The following GPR137B variants were observed in gnomAD, a reference collection of about 807,000 sequenced individuals.
GPR137B encodes integral membrane protein GPR137B.
GPR137B carries 42 observed loss-of-function variants against 42.5 expected under a neutral mutation model. That is an observed-to-expected ratio of 0.99 (90% CI 0.77 to 1.28). GPR137B has a LOEUF of 1.28. Ranked by LOEUF, GPR137B falls within the 50% of genes most tolerant of loss-of-function variation. The pLI, the probability that GPR137B is intolerant of heterozygous loss-of-function variation, is 0.00. For missense variants in GPR137B, 487 were observed against 493.9 expected, an observed-to-expected ratio of 0.99 and a Z score of 0.13; for synonymous variants, 218 against 209.7, an observed-to-expected ratio of 1.04 and a Z score of -0.34.
intron 6 of GPR137B, 122 bp from the exon 7 acceptor site, chr1:236,207,928 T>TA: frequency 1.5e-6 from 1 of 680,556 alleles, no homozygotes; most frequent in South Asian, 2.0e-5. Context: ...AAGAGCCATT[T>TA]AAAAGAACTT....
In GPR137B at chr1:236,150,576, C is replaced by G. The variant is rs976523116; in HGVS notation, c.414+7540C>G. Among the ~76,000 whole-genome samples, 13 of 152,146 alleles carry G rather than the reference C, an allele frequency of 8.5e-5. No homozygotes were observed. The highest frequency in any genetic ancestry group is 3.1e-4 in the African/African-American group (13 of 41,422). ...CCTCAGCACTCGGGGAACAATTAGG[C>G]CCCTCACAGCACATTCAGCATCCAA... On this transcript the variant is annotated intron_variant, in intron 1 of 6. Coordinates refer to ENST00000366592, the MANE Select transcript of GPR137B (RefSeq NM_003272.4). The surrounding 1 kb of genome is among the most constrained non-coding windows in gnomAD (Gnocchi z 6.2).
chr1:236,150,436 G>C lies in GPR137B; in HGVS notation c.414+7400G>C, dbSNP rs567189641. Among the ~76,000 whole-genome samples, 1 of 152,240 alleles carries C rather than the reference G, an allele frequency of 6.6e-6. No homozygotes were observed. Among genetic ancestry groups the C allele is most frequent in the African/African-American group, 2.4e-5 (1 of 41,542 alleles). On this transcript the variant is annotated intron_variant, in intron 1 of 6. Coordinates refer to ENST00000366592, the MANE Select transcript of GPR137B (RefSeq NM_003272.4). The surrounding 1 kb of genome is among the most constrained non-coding windows in gnomAD (Gnocchi z 6.2). ...TTCTAAACATACAGCCCAGTTTCCCGAGCCCTCTCCTCGAGCCATGGCAGC... is the reference window on the plus strand; with the variant it reads ...TTCTAAACATACAGCCCAGTTTCCCCAGCCCTCTCCTCGAGCCATGGCAGC...
At chr1:236,191,770 TG>T (rs1291383700) in intron 5 of GPR137B, among the ~76,000 whole-genome samples, 1 of 152,174 alleles carries the variant, frequency 6.6e-6, no homozygotes, top group African/African-American at 2.4e-5. Context: ...CAGCCCCTAC[TG>T]GGAGGTATCT....
chr1:236,179,908 C>T lies in GPR137B; in HGVS notation c.717C>T (p.Ile239=). ...CCTCCGTGTGTCAAGTGACTGCCAT[C>T]GGTGTCACCGTGATACTGCTTTACA... is the stretch of plus-strand genomic sequence containing the variant. ...KGSSVCQVTA[I]GVTVILLYTS... is the part of the protein sequence containing the mutation. The change falls in exon 4 of 7, where the codon ATC becomes ATT. Residue 239 remains isoleucine, a synonymous_variant. Coordinates refer to ENST00000366592, the MANE Select transcript of GPR137B (RefSeq NM_003272.4). 3.8e-6 allele frequency: 6 copies of T among 1,598,762 alleles called. No individual in the cohort carries two copies. Among genetic ancestry groups the T allele is most frequent in the Middle Eastern group, 1.7e-4 (1 of 5,990 alleles).
At chr1:236,170,632 C>G (rs985892788) in intron 2 of GPR137B, among the ~76,000 whole-genome samples, 26 of 152,100 alleles carry the variant, frequency 1.7e-4, no homozygotes, top group African/African-American at 6.3e-4. Context: ...ATCTGAAATG[C>G]TTGGGACCAA....
chr1:236,169,752 A>C (rs1662476931), intron 2 of GPR137B, among the ~76,000 whole-genome samples: 1 of 152,032 alleles, frequency 6.6e-6, no homozygotes, highest in Non-Finnish European at 1.5e-5. Context: ...AAGAATACTC[A>C]GGTTTGGCTG....
chr1:236,206,791 A>AT (rs1663675669), intron 6 of GPR137B, among the ~76,000 whole-genome samples: 3 of 151,808 alleles, frequency 2.0e-5, no homozygotes, highest in Admixed American at 2.0e-4. Flanking sequence ...CCCGATGACT[A>AT]TCATGTTTCC....
At chr1:236,164,027 C>T (rs1019492307) in intron 1 of GPR137B, among the ~76,000 whole-genome samples, 13 of 151,468 alleles carry the variant, frequency 8.6e-5, no homozygotes, top group African/African-American at 3.2e-4. Context: ...CACTTTTCAG[C>T]ACCTCCTCAC....
chr1:236,161,484 T>TTCACACCTCCTCACGCCTCCCAC (rs1662193404), intron 1 of GPR137B, among the ~76,000 whole-genome samples: 1 of 90,574 alleles, frequency 1.1e-5, no homozygotes, highest in Non-Finnish European at 2.0e-5. Context: ...CCACACACAC[T>TTCACACCTCCTCACGCCTCCCAC]TCACACCTCC....
chr1:236,196,704 T>C (rs903174014), intron 5 of GPR137B, among the ~76,000 whole-genome samples: 5 of 152,216 alleles, frequency 3.3e-5, no homozygotes, highest in Admixed American at 6.5e-5. Context: ...TGAGAAGATA[T>C]AATGTTTGGT....
rs1004125768 is a variant in GPR137B at position 236,202,553 on chromosome 1, T to C, written c.967-2573T>C. 2.9e-4 allele frequency among the ~76,000 whole-genome samples: 44 copies of C among 152,086 alleles called. 1 individual carries two copies. The highest frequency in any genetic ancestry group is 1.0e-3 in the African/African-American group (42 of 41,318). ...GTGACTCTCCACACACTGTTCTGTC[T>C]GTCCAAGTGGGAGCTGCATGTAAGC... is the stretch of plus-strand genomic sequence containing the variant. On this transcript the variant is annotated intron_variant, in intron 5 of 6. Coordinates refer to ENST00000366592, the MANE Select transcript of GPR137B (RefSeq NM_003272.4).
At chr1:236,196,868 T>G (rs1391755338) in intron 5 of GPR137B, among the ~76,000 whole-genome samples, 4 of 152,198 alleles carry the variant, frequency 2.6e-5, no homozygotes, top group African/African-American at 4.8e-5. Context: ...GATGGGCATT[T>G]AGGCTGGTTC....
At chr1:236,192,680 A>G (rs1191930373) in intron 5 of GPR137B, among the ~76,000 whole-genome samples, 3 of 151,964 alleles carry the variant, frequency 2.0e-5, no homozygotes, top group Admixed American at 6.5e-5. Context: ...CCACCGTCCA[A>G]GCAGTCCCAG....
chr1:236,183,998 GA>G, intron 5 of GPR137B, 92 bp downstream of exon 5: 1 of 830,604 alleles, frequency 1.2e-6, no homozygotes, highest in Non-Finnish European at 1.9e-6. Flanking sequence ...TTTCAGAAGA[GA>G]GCCTCTTCCT....
In GPR137B at chr1:236,183,848, T is replaced by C; in HGVS notation, c.908T>C (p.Leu303Pro). ...GGAGTGGTGTTATTTGTTTGGGAAC[T>C]CTTACCTACCACCTTAGTCGTTTAT... ...LFGVVLFVWE[L>P]LPTTLVVYFF... The change falls in exon 5 of 7, where the codon CTC (leucine) becomes CCC (proline). Residue 303 changes from leucine to proline, a missense_variant. Transcript: ENST00000366592. 6.2e-7 allele frequency: 1 copy of C among 1,605,034 alleles called. No homozygotes were observed. Among genetic ancestry groups the C allele is most frequent in the Non-Finnish European group, 8.5e-7 (1 of 1,171,844 alleles).
At position 236,150,015 on chromosome 1, in the gene GPR137B, CTGTGTGTGTACCTGTG is replaced by C. The variant is rs1453822570; in HGVS notation, c.414+6989_414+7004del. On this transcript the variant is annotated intron_variant, in intron 1 of 6. Coordinates refer to ENST00000366592, the MANE Select transcript of GPR137B (RefSeq NM_003272.4). The surrounding 1 kb of genome is among the most constrained non-coding windows in gnomAD (Gnocchi z 6.2). ...TGTGTATGTGTGCCTGTGTGTGTGC[CTGTGTGTGTACCTGTG>C]TGTGTGTGTGCCTGCCTCTGTGTGC... is the stretch of plus-strand genomic sequence containing the variant. 5.2e-3 allele frequency among the ~76,000 whole-genome samples: 763 copies of C among 148,000 alleles called. 10 individuals are homozygous for C. Among genetic ancestry groups the C allele is most frequent in the African/African-American group, 0.018 (727 of 40,066 alleles).
Position 236,145,510 on chromosome 1 carries a change from C to T in GPR137B, c.414+2474C>T, listed in dbSNP as rs146042639. Among the ~76,000 whole-genome samples the T allele has an allele frequency of 6.0e-3, 916 of 152,298 alleles. 1 individual carries two copies. The highest frequency in any genetic ancestry group is 0.01 in the Non-Finnish European group (701 of 68,036). Reference sequence around the variant, plus strand: ...AGTAGCTGGGACTACAGGTGTGTGCCACTATGCCCAGCTAAGTTTTGTATT... The same window carrying T: ...AGTAGCTGGGACTACAGGTGTGTGCTACTATGCCCAGCTAAGTTTTGTATT... On this transcript the variant is annotated intron_variant, in intron 1 of 6. Coordinates refer to ENST00000366592, the MANE Select transcript of GPR137B (RefSeq NM_003272.4).
chr1:236,169,179 TGC>T (rs1662451687), intron 2 of GPR137B, among the ~76,000 whole-genome samples: 2 of 138,600 alleles, frequency 1.4e-5, no homozygotes, highest in Non-Finnish European at 3.1e-5. Flanking sequence ...CCACTGCAGG[TGC>T]AGGTGCAGGT....
At chr1:236,149,435 T>A in intron 1 of GPR137B, among the ~76,000 whole-genome samples, 1 of 152,326 alleles carries the variant, frequency 6.6e-6, no homozygotes, top group East Asian at 1.9e-4. Context: ...ACACTCTGAC[T>A]TGAAGTGGGT....
Sources: allele counts gnomAD v4.1 joint callset (sites outside exome capture counted in the v4.1 genomes callset), GRCh38; gene constraint gnomAD v4.1.1; non-coding constraint Gnocchi (gnomAD v3.1); transcripts MANE v1.5; gene names NCBI Gene and HGNC (gene_info 2026-07-23, HGNC 2026-07-21).